Variants in MYOF observed in about 807,000 individuals in gnomAD.
The protein encoded by MYOF is fer-1-like 3, myoferlin.
In MYOF, 244 loss-of-function variants were observed where a neutral mutation model predicts 284.2. The observed-to-expected ratio is 0.86, with a 90% CI of 0.77 to 0.95. The LOEUF (loss-of-function observed/expected upper bound fraction) is 0.95, where lower values mean the gene tolerates loss of function less well. MYOF is among the 40% of genes least tolerant of loss of function. MYOF has a pLI of 0.00. For synonymous variants in MYOF, 904 were observed against 919.7 expected (o/e 0.98, Z 0.31); for missense variants, 2,496 against 2,560.6 (o/e 0.97, Z 0.54).
At chr10:93,456,763 G>A (rs1230895294) in intron 2 of MYOF, 119 bp downstream of exon 2, 1 of 723,930 alleles carries the variant, frequency 1.4e-6, no homozygotes, top group Non-Finnish European at 2.3e-6. Flanking sequence ...AAACGGAGTG[G>A]GTGGGGGTGA....
At chr10:93,367,723 G>A (rs1644485715) in intron 25 of MYOF, among the ~76,000 whole-genome samples, 1 of 152,016 alleles carries the variant, frequency 6.6e-6, no homozygotes, top group Admixed American at 6.6e-5. Context: ...GAGGGCTGTG[G>A]CTTTAGTCAG....
chr10:93,317,561 T>G (rs552347106), intron 49 of MYOF, among the ~76,000 whole-genome samples: 2 of 152,002 alleles, frequency 1.3e-5, no homozygotes, highest in Admixed American at 6.6e-5. Context: ...CACTCAAACC[T>G]GGGAGGTGGA....
chr10:93,316,634 G>T (rs998823373), intron 50 of MYOF, 80 bp downstream of exon 50: 9 of 1,288,596 alleles, frequency 7.0e-6, no homozygotes, highest in African/African-American at 3.0e-5. Flanking sequence ...AAGATTTAAA[G>T]AATTGCTTCC....
rs1360992929 is a variant in MYOF, at chr10:93,381,342, T to C, written c.1753A>G (p.Met585Val). ...ATGGCCTCACCAACATCTTGCAACA[T>C]GGTGGCTGAATGAAACACGGCAGAC... The part of the protein sequence containing the change: ...SLSAVFHSAT[M>V]LQDVGEAIQF... Residue 585 changes from methionine to valine, a missense_variant, in exon 20 of 54, where the codon ATG (methionine) becomes GTG (valine). Physicochemically the swap from Met to Val is conservative, Grantham distance 21. Transcript: ENST00000359263. 1.9e-6 allele frequency: 3 copies of C among 1,614,216 alleles called. No homozygotes were observed. Among genetic ancestry groups the C allele is most frequent in the Non-Finnish European group, 2.5e-6 (3 of 1,180,046 alleles).
At chr10:93,323,404 T>C (rs754235810) in intron 46 of MYOF, 46 bp from the exon 47 acceptor site, 1 of 1,479,258 alleles carries the variant, frequency 6.8e-7, no homozygotes, top group Non-Finnish European at 9.2e-7. Flanking sequence ...ATATGATGGG[T>C]AGCAGAAGTC....
intron 5 of MYOF, among the ~76,000 whole-genome samples, chr10:93,411,014 G>T (rs1847878305): frequency 6.6e-6 from 1 of 152,160 alleles, no homozygotes; most frequent in Non-Finnish European, 1.5e-5. Context: ...TTCTTCATTT[G>T]TAAAGAGGGG....
chr10:93,323,659 A>G (rs2133771628), intron 46 of MYOF: 1 of 373,896 alleles, frequency 2.7e-6, no homozygotes, highest in East Asian at 4.6e-5. Flanking sequence ...TCACTAACCC[A>G]ACCCCAACAT....
chr10:93,316,885 G>A, intron 49 of MYOF, 72 bp from the exon 50 acceptor site: 2 of 1,263,898 alleles, frequency 1.6e-6, no homozygotes, highest in Non-Finnish European at 2.3e-6. Context: ...CAGCATCAAA[G>A]CCTGGGGCCT....
At chr10:93,448,037 A>G (rs2056482935) in intron 3 of MYOF, among the ~76,000 whole-genome samples, 1 of 152,092 alleles carries the variant, frequency 6.6e-6, no homozygotes, top group Admixed American at 6.5e-5. Flanking sequence ...TTGGCCCCCA[A>G]AGCCACATAT....
At chr10:93,360,494 A>C (rs976848460) in intron 28 of MYOF, among the ~76,000 whole-genome samples, 7 of 152,350 alleles carry the variant, frequency 4.6e-5, no homozygotes, top group African/African-American at 1.7e-4. Flanking sequence ...GCACACAGCT[A>C]TTGCTCAGTC....
At position 93,461,233 on chromosome 10, in the gene MYOF, C is replaced by T. The variant is rs138192298; in HGVS notation, c.89-4296G>A. On this transcript the variant is annotated intron_variant, in intron 1 of 53. Transcript: ENST00000359263. ...GGTCAGCTCAGGCCAAGAGACCTCA[C>T]AGCTCAGCCCACAGAAATGGTTCAC... 9.0e-3 allele frequency among the ~76,000 whole-genome samples: 1,377 copies of T among 152,350 alleles called. 22 individuals are homozygous for T. The highest frequency in any genetic ancestry group is 0.031 in the African/African-American group (1,290 of 41,570).
chr10:93,400,807 T>C (rs896660298), intron 12 of MYOF, among the ~76,000 whole-genome samples: 1 of 151,538 alleles, frequency 6.6e-6, no homozygotes, highest in Non-Finnish European at 1.5e-5. Flanking sequence ...AATACAATAG[T>C]GGCAGACTTC....
intron 41 of MYOF, among the ~76,000 whole-genome samples, chr10:93,334,168 G>C (rs1843487542): frequency 1.3e-5 from 2 of 151,814 alleles, no homozygotes; most frequent in Non-Finnish European, 2.9e-5. Context: ...ACATGGGCCA[G>C]TGTGATGGAG....
intron 2 of MYOF, among the ~76,000 whole-genome samples, chr10:93,455,710 T>C (rs1247836908): frequency 6.6e-6 from 1 of 152,096 alleles, no homozygotes; most frequent in African/African-American, 2.4e-5. Flanking sequence ...CTTTATCTTA[T>C]AGAGATATTG....
chr10:93,332,779 G>A (rs112456802), intron 43 of MYOF, among the ~76,000 whole-genome samples: 3,773 of 152,048 alleles, frequency 0.025, 152 homozygotes, highest in African/African-American at 0.087. Flanking sequence ...CCCAGGAGGC[G>A]GAGCTTGCAG....
intron 2 of MYOF, among the ~76,000 whole-genome samples, chr10:93,453,908 C>A (rs560142428): frequency 6.6e-6 from 1 of 151,300 alleles, no homozygotes; most frequent in Non-Finnish European, 1.5e-5. Flanking sequence ...AAGAGCCGGG[C>A]GCAGTGGCTC....
At chr10:93,359,702 T>C in intron 29 of MYOF, 131 bp downstream of exon 29, 1 of 1,234,610 alleles carries the variant, frequency 8.1e-7, no homozygotes, top group Non-Finnish European at 1.1e-6. Context: ...GGGCTCACTT[T>C]GAGAACCCTT....
At chr10:93,308,236 C>T (rs1842214699) in intron 53 of MYOF, among the ~76,000 whole-genome samples, 1 of 78,250 alleles carries the variant, frequency 1.3e-5, no homozygotes, top group Non-Finnish European at 2.8e-5. Flanking sequence ...GAGCAAAACC[C>T]CATCTCAAAA....
rs775539463 is a variant in MYOF, at chr10:93,353,855, T to A, written c.3437A>T (p.Tyr1146Phe). Residue 1146 changes from tyrosine (Y) to phenylalanine (F), a missense_variant, in exon 32 of 54, where the codon TAT becomes TTT. Transcript: ENST00000359263. ...TAAAGCCAAGAGGTTTCTGGCTTGA[T>A]AGACATAGCAGCGCAGATGGTAGAT... ...VYIYHLRCYV[Y>F]QARNLLALDK... is the part of the protein sequence containing the mutation. 2 of 1,611,198 alleles carry A rather than the reference T, an allele frequency of 1.2e-6. No individual in the cohort carries two copies. The highest frequency in any genetic ancestry group is 4.5e-5 in the East Asian group (2 of 44,784).
Sources: gnomAD v4.1 joint callset for allele counts (sites outside exome capture counted in the v4.1 genomes callset) on GRCh38, gnomAD v4.1.1 for gene constraint, MANE v1.5 for transcripts, NCBI Gene and HGNC (gene_info 2026-07-23, HGNC 2026-07-21) for gene names.